Variants in OR6P1 observed in about 807,000 individuals in gnomAD.
OR6P1 encodes the protein olfactory receptor family 6 subfamily P member 1.
Under a neutral mutation model 6.6 loss-of-function variants are expected in OR6P1, and 5 were observed. The observed-to-expected ratio is 0.76, with a 90% CI of 0.40 to 1.60. OR6P1 has a LOEUF of 1.60. OR6P1 is among the 40% of genes most tolerant of loss of function. The pLI is 0.02. For missense variants in OR6P1, 451 were observed against 383.0 expected (o/e 1.18, Z -1.48); for synonymous variants, 177 against 149.6 (o/e 1.18, Z -1.33).
At position 158,562,778 on chromosome 1, in the gene OR6P1, A is replaced by G. The variant is rs1399542307; in HGVS notation, c.827T>C (p.Val276Ala). Residue 276 changes from valine (V) to alanine (A), a missense_variant, in exon 3 of 3, where the codon GTG (valine) becomes GCG (alanine). Val to Ala is a moderately conservative substitution (Grantham distance 64). Transcript: ENST00000641540. ...YTFNHNKIIS[V>A]LYTIIVPFFN... ...GAATGGTACAATGATAGTGTAGAGC[A>G]CAGAGATAATCTTGTTGTGGTTGAA... 1 of 1,552,590 alleles carries G rather than the reference A, an allele frequency of 6.4e-7. No homozygotes were observed.
At chr1:158,564,359 A>G (rs1230801463) in intron 2 of OR6P1, among the ~76,000 whole-genome samples, 1 of 152,142 alleles carries the variant, frequency 6.6e-6, no homozygotes, top group Non-Finnish European at 1.5e-5. Flanking sequence ...CATACGGCAA[A>G]TATTTTGCAA....
At position 158,563,177 on chromosome 1, in the gene OR6P1, C is replaced by T. The variant is rs188709112; in HGVS notation, c.428G>A (p.Arg143His). ...PSLMPSSLAT[R>H]LAAASWGSGF... ...ACTGCCCCAAGAGGCAGCAGCAAGG[C>T]GAGTGGCCAGACTGGAAGGCATGAG... Residue 143 changes from arginine to histidine, a missense_variant, in exon 3 of 3, where the codon CGC becomes CAC. By Grantham distance (29) the Arg-to-His change is conservative. Coordinates refer to ENST00000641540, the MANE Select transcript of OR6P1 (RefSeq NM_001160325.2). 375 of 1,551,336 alleles carry T rather than the reference C, an allele frequency of 2.4e-4. 1 individual carries two copies. The highest frequency in any genetic ancestry group is 3.1e-4 in the Non-Finnish European group (352 of 1,146,920).
rs1046864139 is a variant in OR6P1, at chr1:158,562,953, A to G, written c.652T>C (p.Tyr218His). 1.1e-5 allele frequency: 17 copies of G among 1,551,652 alleles called. No individual in the cohort carries two copies. The highest frequency in any genetic ancestry group is 1.5e-5 in the Non-Finnish European group (17 of 1,147,022). ...LLPLLAVVSS[Y>H]TAIIAAILRI... The stretch of plus-strand genomic sequence containing the variant: ...AGGATGGCTGCAATGATGGCAGTGT[A>G]TGATGAAACCACAGCCAATAGAGGG... The change falls in exon 3 of 3, where the codon TAC becomes CAC. Residue 218 changes from tyrosine (Y) to histidine (H), a missense_variant. By Grantham distance (83) the Tyr-to-His change is moderately conservative (BLOSUM62 2). Transcript: ENST00000641540.
chr1:158,568,746 T>C (rs1648159497), intron 1 of OR6P1, among the ~76,000 whole-genome samples: 1 of 152,190 alleles, frequency 6.6e-6, no homozygotes, highest in Admixed American at 6.5e-5. Flanking sequence ...ACCTCTGGTC[T>C]TTTGCACATG....
rs1648154553 is a variant in OR6P1, at chr1:158,568,562, T to TAAAGAG, written c.-117-1705_-117-1704insCTCTTT. On this transcript the variant is annotated intron_variant, in intron 1 of 2. Coordinates refer to ENST00000641540, the MANE Select transcript of OR6P1 (RefSeq NM_001160325.2). The stretch of plus-strand genomic sequence containing the variant: ...TCCCTCAGAACCAAGAACAGCTCTT[T>TAAAGAG]ATGGGTTGGTCTTCTCAGGACTAGA... Among the ~76,000 whole-genome samples, 7 of 152,320 alleles carry TAAAGAG rather than the reference T, an allele frequency of 4.6e-5. No individual in the cohort carries two copies. The South Asian group carries it at 1.5e-3, about 32-fold the overall frequency.
intron 1 of OR6P1, among the ~76,000 whole-genome samples, chr1:158,568,630 G>T (rs1648157186): frequency 6.6e-6 from 1 of 152,056 alleles, no homozygotes; most frequent in South Asian, 2.1e-4. Context: ...ATTTGCCTTT[G>T]AATGCTCCCC....
At chr1:158,565,005 C>A (rs1472411253) in intron 2 of OR6P1, among the ~76,000 whole-genome samples, 1 of 152,140 alleles carries the variant, frequency 6.6e-6, no homozygotes. Flanking sequence ...TTATTTTCCT[C>A]TAAGAAACTT....
At position 158,562,952 on chromosome 1, in the gene OR6P1, T is replaced by C. The variant is rs1307695631; in HGVS notation, c.653A>G (p.Tyr218Cys). Reference protein sequence around the residue: ...LLPLLAVVSSYTAIIAAILRI... With the variant: ...LLPLLAVVSSCTAIIAAILRI... ...CAGGATGGCTGCAATGATGGCAGTG[T>C]ATGATGAAACCACAGCCAATAGAGG... The change falls in exon 3 of 3, where the codon TAC becomes TGC. Residue 218 changes from tyrosine to cysteine, a missense_variant. Transcript: ENST00000641540. 2 of 1,551,668 alleles carry C rather than the reference T, an allele frequency of 1.3e-6. No individual in the cohort carries two copies. The highest frequency in any genetic ancestry group is 2.0e-5 in the Admixed American group (1 of 50,996).
chr1:158,564,599 C>A (rs1418891187), intron 2 of OR6P1, among the ~76,000 whole-genome samples: 1 of 152,098 alleles, frequency 6.6e-6, no homozygotes, highest in African/African-American at 2.4e-5. Context: ...ATGCCCACAG[C>A]CATCAGAAGC....
At chr1:158,565,377 G>A (rs1207852241) in intron 2 of OR6P1, among the ~76,000 whole-genome samples, 2 of 152,034 alleles carry the variant, frequency 1.3e-5, no homozygotes, top group African/African-American at 2.4e-5. Context: ...ACAAATGAGC[G>A]TATCTTTTTA....
chr1:158,568,201 C>T (rs563160778), intron 1 of OR6P1, among the ~76,000 whole-genome samples: 14 of 152,260 alleles, frequency 9.2e-5, no homozygotes, highest in East Asian at 3.9e-4. Context: ...AGGCCCTCCT[C>T]GATAGACTAC....
rs1647937652 is a variant in OR6P1 at position 158,560,945 on chromosome 1, T to G, written c.*1706A>C. 1 of 152,164 alleles carries G rather than the reference T, an allele frequency of 6.6e-6. No homozygotes were observed. Among genetic ancestry groups the G allele is most frequent in the Non-Finnish European group, 1.5e-5 (1 of 68,022 alleles). The allele number at this position is 152,164 out of a possible 1,614,324, so 9.4% of individuals were successfully genotyped here. On this transcript the variant is annotated 3_prime_UTR_variant, in exon 3 of 3. Coordinates refer to ENST00000641540, the MANE Select transcript of OR6P1 (RefSeq NM_001160325.2). ...ATAATTTGTGCCATAAGTAATTTTGTGTAGTAATGTTTATTAGGTTTCTAG... is the reference window on the plus strand; with the variant it reads ...ATAATTTGTGCCATAAGTAATTTTGGGTAGTAATGTTTATTAGGTTTCTAG...
At chr1:158,566,056 C>T (rs575348206) in intron 2 of OR6P1, among the ~76,000 whole-genome samples, 1 of 152,276 alleles carries the variant, frequency 6.6e-6, no homozygotes, top group African/African-American at 2.4e-5. Context: ...TTTCTCAACA[C>T]TGACATTGGC....
At chr1:158,566,249 G>A (rs1412456554) in intron 2 of OR6P1, among the ~76,000 whole-genome samples, 1 of 152,142 alleles carries the variant, frequency 6.6e-6, no homozygotes, top group Non-Finnish European at 1.5e-5. Flanking sequence ...ATTCTTGCCT[G>A]GACATTGGAA....
chr1:158,569,880 A>G (rs1258758125), intron 1 of OR6P1, among the ~76,000 whole-genome samples: 1 of 152,180 alleles, frequency 6.6e-6, no homozygotes, highest in Non-Finnish European at 1.5e-5. Context: ...GTAAATGTCC[A>G]TGGTTATAGC....
chr1:158,570,122 T>C (rs1278278549), intron 1 of OR6P1, among the ~76,000 whole-genome samples: 2 of 152,236 alleles, frequency 1.3e-5, no homozygotes, highest in Admixed American at 6.5e-5. Context: ...CTTTCTGCTT[T>C]CTGGGTTCCC....
chr1:158,564,535 A>T (rs759955351), intron 2 of OR6P1, among the ~76,000 whole-genome samples: 80 of 152,276 alleles, frequency 5.3e-4, no homozygotes, highest in Admixed American at 1.1e-3. Context: ...AGATTTAAGG[A>T]TGCTGGCCTT....
chr1:158,566,029 A>G (rs1648089233), intron 2 of OR6P1, among the ~76,000 whole-genome samples: 1 of 152,222 alleles, frequency 6.6e-6, no homozygotes, highest in African/African-American at 2.4e-5. Context: ...TTTGATACCC[A>G]GTTATTAGCC....
intron 1 of OR6P1, among the ~76,000 whole-genome samples, chr1:158,567,600 C>T (rs1648129871): frequency 7.1e-6 from 1 of 141,530 alleles, no homozygotes; most frequent in Non-Finnish European, 1.5e-5. Flanking sequence ...ACAATGAGAA[C>T]ACATGGACAC....
Sources: gnomAD v4.1 joint callset for allele counts (sites outside exome capture counted in the v4.1 genomes callset) on GRCh38, gnomAD v4.1.1 for gene constraint, MANE v1.5 for transcripts, NCBI Gene and HGNC (gene_info 2026-07-23, HGNC 2026-07-21) for gene names.